The following SHTN1 variants were observed in gnomAD, a reference collection of about 807,000 sequenced individuals.
The protein encoded by SHTN1 is shootin-1.
In SHTN1, 42 loss-of-function variants were observed where a neutral mutation model predicts 83.1. The observed-to-expected ratio is 0.51, with a 90% confidence interval of 0.39 to 0.65. The LOEUF is 0.65. Among genes scored for constraint, SHTN1 ranks in the 30% least tolerant of loss-of-function variants. SHTN1 has a pLI of 0.00. For missense variants in SHTN1, 622 were observed against 737.8 expected, an observed-to-expected ratio of 0.84 and a Z score of 1.82; for synonymous variants, 224 against 247.7, an observed-to-expected ratio of 0.90 and a Z score of 0.90.
intron 1 of SHTN1, among the ~76,000 whole-genome samples, chr10:117,097,233 A>G (rs1376387038): frequency 6.6e-6 from 1 of 152,228 alleles, no homozygotes; most frequent in African/African-American, 2.4e-5. Flanking sequence ...TGACATCCTC[A>G]TGAAAATCAG....
At chr10:116,930,041 C>CA in intron 9 of SHTN1, 39 bp from the exon 10 acceptor site, 2 of 1,379,940 alleles carry the variant, frequency 1.4e-6, no homozygotes, top group Non-Finnish European at 2.0e-6. Context: ...TTATGGCTGA[C>CA]AGTTTTTCCT....
chr10:116,898,205 G>A (rs1003733046), intron 16 of SHTN1, among the ~76,000 whole-genome samples: 3 of 151,982 alleles, frequency 2.0e-5, no homozygotes, highest in Non-Finnish European at 4.4e-5. Context: ...GCAGGCACCT[G>A]TAATCACAGC....
chr10:116,989,665 T>C (rs753460564), intron 1 of SHTN1, among the ~76,000 whole-genome samples: 10 of 152,316 alleles, frequency 6.6e-5, no homozygotes, highest in Non-Finnish European at 1.2e-4. Flanking sequence ...ACATTTACCT[T>C]CCCACATTTT....
At chr10:116,886,644 C>A in intron 16 of SHTN1, 78 bp from the exon 17 acceptor site, 1 of 1,575,468 alleles carries the variant, frequency 6.3e-7, no homozygotes, top group South Asian at 1.2e-5. Context: ...TGGATTCAGA[C>A]TAACATAAAA....
At chr10:116,957,685 A>G (rs1850033107) in intron 4 of SHTN1, among the ~76,000 whole-genome samples, 1 of 152,260 alleles carries the variant, frequency 6.6e-6, no homozygotes, top group South Asian at 2.1e-4. Context: ...GCTTTGGATC[A>G]TATGACTTAA....
At chr10:117,014,907 T>C (rs1404618305) in intron 2 of SHTN1, among the ~76,000 whole-genome samples, 1 of 152,212 alleles carries the variant, frequency 6.6e-6, no homozygotes, top group Non-Finnish European at 1.5e-5. Flanking sequence ...TTTGTGAACA[T>C]AGGCATCATA....
intron 1 of SHTN1, among the ~76,000 whole-genome samples, chr10:117,106,417 T>C (rs922516805): frequency 6.6e-6 from 1 of 152,196 alleles, no homozygotes; most frequent in African/African-American, 2.4e-5. Flanking sequence ...ATTGCGCCAC[T>C]GCACTCTAGC....
chr10:117,015,059 CAA>C (rs1010369378), intron 2 of SHTN1, among the ~76,000 whole-genome samples: 1 of 152,010 alleles, frequency 6.6e-6, no homozygotes, highest in South Asian at 2.1e-4. Context: ...ACAGTACTTT[CAA>C]AGTCTTAAAT....
At position 117,025,003 on chromosome 10, in the gene SHTN1, G is replaced by A. The variant is rs118005259; in HGVS notation, c.-123+23442C>T. Among the ~76,000 whole-genome samples, 645 of 152,260 alleles carry A rather than the reference G, an allele frequency of 4.2e-3. 2 individuals carry two copies. The highest frequency in any genetic ancestry group is 0.034 in the Middle Eastern group (10 of 294). On this transcript the variant is annotated intron_variant, in intron 2 of 17. Transcript: ENST00000392901. Reference sequence around the variant, plus strand: ...CAAAAAATGCAAGACCTGGGACTCGGATGGAGCAAGATGGCAGAAGAGAAG... The same window carrying A: ...CAAAAAATGCAAGACCTGGGACTCGAATGGAGCAAGATGGCAGAAGAGAAG...
intron 1 of SHTN1, among the ~76,000 whole-genome samples, chr10:117,091,615 A>G (rs1418883095): frequency 6.6e-6 from 1 of 152,224 alleles, no homozygotes; most frequent in East Asian, 1.9e-4. Flanking sequence ...CTCTCTTAAC[A>G]GGTAAGCACA....
chr10:117,110,118 C>G (rs1853744124), intron 1 of SHTN1, among the ~76,000 whole-genome samples: 1 of 152,148 alleles, frequency 6.6e-6, no homozygotes, highest in African/African-American at 2.4e-5. Context: ...TCATATCCCT[C>G]AGAACCGTAT....
rs767339763 is a variant in SHTN1, at chr10:116,886,470, G to C, written c.1770C>G (p.Pro590=). ...TTTCAGCAACCTGGTCTTTGGTTTG[G>C]GGTTCATGTGTAGAAACAGGATCTA... is the stretch of plus-strand genomic sequence containing the variant. The part of the protein sequence containing the change: ...VVLDPVSTHE[P]QTKDQVAEKD... The change falls in exon 17 of 17, where the codon CCC becomes CCG. Residue 590 remains proline (P), a synonymous_variant. Coordinates refer to ENST00000355371, the MANE Select transcript of SHTN1 (RefSeq NM_001127211.3). 3 of 1,614,010 alleles carry C rather than the reference G, an allele frequency of 1.9e-6. No individual in the cohort carries two copies. The highest frequency in any genetic ancestry group is 1.7e-5 in the Admixed American group (1 of 60,014).
intron 2 of SHTN1, among the ~76,000 whole-genome samples, chr10:117,029,001 A>T (rs531654483): frequency 1.5e-4 from 23 of 152,268 alleles, no homozygotes; most frequent in Middle Eastern, 3.4e-3. Flanking sequence ...ATCTGGAAAT[A>T]TCCACCAGCA....
chr10:116,936,382 T>C (rs867854473), intron 9 of SHTN1, among the ~76,000 whole-genome samples: 1 of 152,224 alleles, frequency 6.6e-6, no homozygotes, highest in African/African-American at 2.4e-5. Context: ...CTGTTCTCAT[T>C]GGTTTCAAAG....
In SHTN1 at chr10:116,932,366, T is replaced by A. The variant is rs530790045; in HGVS notation, c.859-2364A>T. ...GACTGTCACAGAACCGCGAACCCTA[T>A]TGTGAACTGCACACGCGAGGGATCC... On this transcript the variant is annotated intron_variant, in intron 9 of 16. Coordinates refer to ENST00000355371, the MANE Select transcript of SHTN1 (RefSeq NM_001127211.3). 2.0e-5 allele frequency among the ~76,000 whole-genome samples: 3 copies of A among 152,236 alleles called. No homozygotes were observed. The South Asian group carries it at 6.2e-4, about 32-fold the overall frequency.
chr10:117,019,121 A>G (rs558885054), intron 2 of SHTN1, among the ~76,000 whole-genome samples: 2 of 84,194 alleles, frequency 2.4e-5, no homozygotes, highest in African/African-American at 5.5e-5. Context: ...ATTGCAACTA[A>G]TGACTAGAAA....
intron 7 of SHTN1, among the ~76,000 whole-genome samples, chr10:116,945,770 T>A (rs1849551580): frequency 6.6e-6 from 1 of 152,170 alleles, no homozygotes; most frequent in Non-Finnish European, 1.5e-5. Flanking sequence ...CCAGATGACA[T>A]GTCTAACATT....
chr10:117,096,836 G>GGT lies in SHTN1; in HGVS notation c.-189+29469_-189+29470dup, dbSNP rs1463867637. Among the ~76,000 whole-genome samples, 9 of 152,198 alleles carry GGT rather than the reference G, an allele frequency of 5.9e-5. 1 individual carries two copies. The East Asian group carries it at 9.7e-4, about 16-fold the overall frequency. On this transcript the variant is annotated intron_variant, in intron 1 of 17. Transcript: ENST00000392901. ...GACCTGGCACCCTGAAGGACACCTTGGTGTGAAAAACTAAAGGGTCCATTG... is the reference window on the plus strand; with the variant it reads ...GACCTGGCACCCTGAAGGACACCTTGGTGTGTGAAAAACTAAAGGGTCCATTG...
intron 1 of SHTN1, among the ~76,000 whole-genome samples, chr10:117,055,460 T>C (rs2133591718): frequency 6.6e-6 from 1 of 152,308 alleles, no homozygotes; most frequent in East Asian, 1.9e-4. Context: ...AGAGAGTGCC[T>C]GGTTAATGGG....
Sources: gnomAD v4.1 joint callset for allele counts (sites outside exome capture counted in the v4.1 genomes callset) on GRCh38, gnomAD v4.1.1 for gene constraint, MANE v1.5 for transcripts, NCBI Gene and HGNC (gene_info 2026-07-23, HGNC 2026-07-21) for gene names.